Variants in GAS6 observed in about 807,000 individuals in gnomAD.
GAS6 encodes growth arrest specific 6, also known as growth arrest-specific protein 6.
Under a neutral mutation model 75.8 loss-of-function variants are expected in GAS6, and 41 were observed. That is an observed-to-expected ratio of 0.54 (90% CI 0.42 to 0.70). The LOEUF (loss-of-function observed/expected upper bound fraction) is 0.70. Among genes scored for constraint, GAS6 ranks in the 30% least tolerant of loss-of-function variants. The probability of loss-of-function intolerance (pLI) is 0.00; values close to 1 mark genes in which losing one functional copy is unlikely to be tolerated. For synonymous variants in GAS6, 432 were observed against 412.6 expected, an observed-to-expected ratio of 1.05 and a Z score of -0.57; for missense variants, 854 against 940.2, an observed-to-expected ratio of 0.91 and a Z score of 1.20.
chr13:113,821,468 C>T (rs566485843), intron 14 of GAS6: 21 of 232,444 alleles, frequency 9.0e-5, no homozygotes, highest in African/African-American at 4.0e-4. Context: ...CGTGCCTTTC[C>T]GCTGACCCTC....
chr13:113,835,779 C>T, intron 6 of GAS6, 144 bp from the exon 7 acceptor site: 1 of 1,463,414 alleles, frequency 6.8e-7, no homozygotes, highest in Non-Finnish European at 9.0e-7. Context: ...CCCCATTTCC[C>T]TGCCCTCCTC....
rs1056617585 is a variant in GAS6 at position 113,863,098 on chromosome 13, C to A, written c.255+477G>T. 2.0e-5 allele frequency among the ~76,000 whole-genome samples: 3 copies of A among 152,180 alleles called. No homozygotes were observed. The highest frequency in any genetic ancestry group is 3.2e-3 in the Middle Eastern group (1 of 316). ...CGCCCTCCCCTCCCGCATGCGGCCCCGCTCGATTCCTGGAATCTTATTTTT... is the reference window on the plus strand; with the variant it reads ...CGCCCTCCCCTCCCGCATGCGGCCCAGCTCGATTCCTGGAATCTTATTTTT... On this transcript the variant is annotated intron_variant, in intron 2 of 14. Coordinates refer to ENST00000327773, the MANE Select transcript of GAS6 (RefSeq NM_000820.4). This position sits in a 1 kb window ranked among gnomAD's most constrained non-coding sequence, Gnocchi z 9.4.
intron 12 of GAS6, among the ~76,000 whole-genome samples, chr13:113,826,577 GCTGGCCTCGCAGGCACCTTCTCTCC>G (rs1566354795): frequency 1.3e-3 from 39 of 29,468 alleles, no homozygotes; most frequent in South Asian, 0.013. Context: ...GCCTCCCGGC[GCTGGCCTCGCAGGCACCTTCTCTCC>G]CCGGCCTCCC....
chr13:113,835,365 G>A, intron 7 of GAS6, 148 bp downstream of exon 7: 1 of 940,838 alleles, frequency 1.1e-6, no homozygotes, highest in Non-Finnish European at 1.6e-6. Flanking sequence ...GGTAGCACAG[G>A]CCATTACCAG....
chr13:113,824,420 G>A (rs1372368461), intron 12 of GAS6, among the ~76,000 whole-genome samples: 2 of 151,042 alleles, frequency 1.3e-5, no homozygotes, highest in Admixed American at 6.6e-5. Context: ...GAGCACATGC[G>A]GTCTGGGGTC....
chr13:113,856,535 G>C (rs182372973), intron 2 of GAS6, among the ~76,000 whole-genome samples: 94 of 152,246 alleles, frequency 6.2e-4, no homozygotes, highest in Admixed American at 1.0e-3. Flanking sequence ...CAGACTAACA[G>C]ACGAGCTGAG....
intron 2 of GAS6, among the ~76,000 whole-genome samples, chr13:113,858,530 T>C (rs1481591643): frequency 1.7e-5 from 2 of 118,184 alleles, no homozygotes; most frequent in Admixed American, 1.6e-4. Context: ...TGTGAATGTG[T>C]GCATGTCTGT....
At position 113,832,676 on chromosome 13, in the gene GAS6, G is replaced by T. The variant is rs2051644116; in HGVS notation, c.911C>A (p.Thr304Asn). 6.2e-7 allele frequency: 1 copy of T among 1,612,696 alleles called. No homozygotes were observed. The highest frequency in any genetic ancestry group is 1.1e-5 in the South Asian group (1 of 91,094). The stretch of plus-strand genomic sequence containing the variant: ...CTTGAAGCGCAGTCGGATCACGGGG[G>T]TCCCACTGAACATCCGGCCCAGGTA... ...SLYLGRMFSG[T>N]PVIRLRFKRL... The change falls in exon 9 of 15, where the codon ACC becomes AAC. Residue 304 changes from threonine to asparagine, a missense_variant. Coordinates refer to ENST00000327773, the MANE Select transcript of GAS6 (RefSeq NM_000820.4).
chr13:113,829,287 G>A (rs112007562), intron 10 of GAS6, among the ~76,000 whole-genome samples: 23 of 93,498 alleles, frequency 2.5e-4, no homozygotes, highest in East Asian at 1.4e-3. Flanking sequence ...TCTCAGGGAG[G>A]CCACCTGATC....
chr13:113,834,509 C>A, intron 8 of GAS6, 42 bp downstream of exon 8: 1 of 1,464,432 alleles, frequency 6.8e-7, no homozygotes. Context: ...CGAGGGCCCC[C>A]GGAACCACCG....
At position 113,821,978 on chromosome 13, in the gene GAS6, G is replaced by C. The variant is rs1431983667; in HGVS notation, c.1862C>G (p.Thr621Ser). Residue 621 changes from threonine to serine, a missense_variant, in exon 14 of 15, where the codon ACC (threonine) becomes AGC (serine). Coordinates refer to ENST00000327773, the MANE Select transcript of GAS6 (RefSeq NM_000820.4). ...LERHLRSPVL[T>S]FAGGLPDVPV... ...CCTACCTGGCAGGCCGCCAGCAAAG[G>C]TGAGCACGGGGCTCCGCAGGTGCCT... 12 of 1,541,024 alleles carry C rather than the reference G, an allele frequency of 7.8e-6. No homozygotes were observed. Among genetic ancestry groups the C allele is most frequent in the Non-Finnish European group, 1.0e-5 (12 of 1,145,672 alleles).
At position 113,820,887 on chromosome 13, in the gene GAS6, G is replaced by T. The variant is rs41307844; in HGVS notation, c.2014C>A (p.Pro672Thr). 3.5e-4 allele frequency: 559 copies of T among 1,611,308 alleles called. 2 individuals carry two copies. The highest frequency in any genetic ancestry group is 4.3e-4 in the Non-Finnish European group (502 of 1,179,784). ...HSDITAHSCPPVEPAAA is the reference protein window; with the variant it reads ...HSDITAHSCPTVEPAAA ...GCCTAGGCTGCGGCGGGCTCCACGG[G>T]GGGGCAGGAGTGGGCCGTGATGTCG... Residue 672 changes from proline (P) to threonine (T), a missense_variant, in exon 15 of 15, where the codon CCC (proline) becomes ACC (threonine). Transcript: ENST00000327773.
At chr13:113,843,141 G>T in intron 4 of GAS6, 1 of 313,098 alleles carries the variant, frequency 3.2e-6, no homozygotes, top group Non-Finnish European at 5.8e-6. Flanking sequence ...GGCCCCCGAG[G>T]GCACCCACTT....
intron 4 of GAS6, 176 bp from the exon 5 acceptor site, chr13:113,840,026 G>T: frequency 1.2e-6 from 1 of 859,186 alleles, no homozygotes; most frequent in South Asian, 1.8e-5. Context: ...AGGGCTGACA[G>T]AATAGGCTGG....
At chr13:113,853,890 C>T (rs564647059) in intron 2 of GAS6, among the ~76,000 whole-genome samples, 1 of 152,350 alleles carries the variant, frequency 6.6e-6, no homozygotes, top group South Asian at 2.1e-4. Context: ...TCCTTTCCTT[C>T]CTTCCGAATT....
At chr13:113,858,682 CAT>C (rs1193773254) in intron 2 of GAS6, among the ~76,000 whole-genome samples, 10 of 129,404 alleles carry the variant, frequency 7.7e-5, no homozygotes, top group Admixed American at 4.0e-4. Flanking sequence ...CCTATGTATG[CAT>C]GTCTGTGTGT....
rs2051828587 is a variant in GAS6, at chr13:113,845,744, T to C, written c.343+783A>G. ...ATGAAGGACAGCTTTACTCATTAGT[T>C]AAAAAAAAAAAAAAAAACCTGAAAT... is the stretch of plus-strand genomic sequence containing the variant. On this transcript the variant is annotated intron_variant, in intron 4 of 14. Transcript: ENST00000327773. This position sits in a 1 kb window ranked among gnomAD's most constrained non-coding sequence, Gnocchi z 4.3. 7.1e-6 allele frequency: 1 copy of C among 140,214 alleles called. No individual in the cohort carries two copies. Among genetic ancestry groups the C allele is most frequent in the Non-Finnish European group, 1.6e-5 (1 of 64,134 alleles). 8.7% of individuals were successfully genotyped at this position (140,214 alleles called of 1,614,324 possible).
At chr13:113,850,352 C>T (rs1419896966) in intron 2 of GAS6, among the ~76,000 whole-genome samples, 1 of 152,076 alleles carries the variant, frequency 6.6e-6, no homozygotes, top group Non-Finnish European at 1.5e-5. Context: ...GAACCAGGAG[C>T]TCCTTATGTA....
chr13:113,859,899 AC>A (rs1311296735), intron 2 of GAS6, among the ~76,000 whole-genome samples: 6 of 152,136 alleles, frequency 3.9e-5, no homozygotes, highest in Non-Finnish European at 8.8e-5. Flanking sequence ...GGCCATCCCA[AC>A]ATCTGGGCCT....
Sources: allele counts gnomAD v4.1 joint callset (sites outside exome capture counted in the v4.1 genomes callset), GRCh38; gene constraint gnomAD v4.1.1; non-coding constraint Gnocchi (gnomAD v3.1); transcripts MANE v1.5; gene names NCBI Gene and HGNC (gene_info 2026-07-23, HGNC 2026-07-21).